SYCP2: variants seen among roughly 807,000 people sequenced by gnomAD.
The protein encoded by SYCP2 is synaptonemal complex protein 2.
A neutral mutation model predicts 211.3 loss-of-function variants in SYCP2; 55 were observed. The observed-to-expected ratio is 0.26, with a 90% CI of 0.21 to 0.33. The LOEUF is 0.33. SYCP2 is among the 10% of genes least tolerant of loss of function. The pLI is 1.00. For missense variants in SYCP2, 1,731 were observed against 1,752.0 expected (o/e 0.99, Z 0.21); for synonymous variants, 570 against 555.2 (o/e 1.03, Z -0.37).
At chr20:59,893,056 T>C in intron 22 of SYCP2, 86 bp downstream of exon 22, 1 of 912,886 alleles carries the variant, frequency 1.1e-6, no homozygotes, top group Non-Finnish European at 1.7e-6. Context: ...TCTAATCATA[T>C]ACAGTCCTTT....
At chr20:59,933,460 A>AACCGTCG (rs1398372024) in intron 1 of SYCP2, 109 bp downstream of exon 1, 1 of 151,216 alleles carries the variant, frequency 6.6e-6, no homozygotes, top group Non-Finnish European at 1.5e-5. Context: ...GCTCCGCCTC[A>AACCGTCG]ACCGTCGGAA....
intron 15 of SYCP2, among the ~76,000 whole-genome samples, chr20:59,903,913 T>TA (rs2060164821): frequency 6.6e-6 from 1 of 152,106 alleles, no homozygotes; most frequent in Non-Finnish European, 1.5e-5. Context: ...TATCCTGTTT[T>TA]AAAAAATCAG....
intron 35 of SYCP2, among the ~76,000 whole-genome samples, chr20:59,872,225 C>A (rs967821137): frequency 1.3e-5 from 2 of 151,944 alleles, no homozygotes; most frequent in Non-Finnish European, 2.9e-5. Context: ...TGGAACATTC[C>A]AGAAATCATT....
At chr20:59,885,669 A>G (rs1234554273) in intron 26 of SYCP2, among the ~76,000 whole-genome samples, 1 of 152,100 alleles carries the variant, frequency 6.6e-6, no homozygotes. Flanking sequence ...CGCACGCGCG[A>G]TAAGGATATA....
At chr20:59,883,809 A>G (rs1462095213) in intron 26 of SYCP2, among the ~76,000 whole-genome samples, 1 of 152,088 alleles carries the variant, frequency 6.6e-6, no homozygotes, top group Non-Finnish European at 1.5e-5. Context: ...AGTATTGTAT[A>G]GTACACCAAC....
chr20:59,881,797 A>T, intron 28 of SYCP2, 148 bp downstream of exon 28: 1 of 545,622 alleles, frequency 1.8e-6, no homozygotes, highest in Non-Finnish European at 3.0e-6. Context: ...AAATATACGT[A>T]GGCTGGTTAT....
At chr20:59,872,294 T>C (rs77773302) in intron 35 of SYCP2, among the ~76,000 whole-genome samples, 3,027 of 152,046 alleles carry the variant, frequency 0.02, 42 homozygotes, top group Middle Eastern at 0.041. Context: ...GGCCATCGGG[T>C]TGTCCTGCCT....
chr20:59,908,504 T>C (rs1485345965), intron 14 of SYCP2, among the ~76,000 whole-genome samples: 1 of 152,172 alleles, frequency 6.6e-6, no homozygotes, highest in Non-Finnish European at 1.5e-5. Context: ...CTCCTATTTC[T>C]GTGTGTAAAA....
intron 24 of SYCP2, among the ~76,000 whole-genome samples, chr20:59,889,578 A>T (rs1324884243): frequency 6.6e-6 from 1 of 151,972 alleles, no homozygotes; most frequent in Non-Finnish European, 1.5e-5. Context: ...AATCTAGTAA[A>T]CACAAAATTT....
At chr20:59,882,198 G>C in intron 26 of SYCP2, 33 bp from the exon 27 acceptor site, 1 of 1,491,952 alleles carries the variant, frequency 6.7e-7, no homozygotes, top group Non-Finnish European at 9.3e-7. Context: ...ATCATTAAAT[G>C]GCTAACAGGT....
At chr20:59,865,290 CA>C (rs1375898084) in intron 44 of SYCP2, 97 bp downstream of exon 44, 1 of 956,672 alleles carries the variant, frequency 1.0e-6, no homozygotes, top group East Asian at 2.5e-5. Flanking sequence ...TCTCTCAACC[CA>C]AAAGAAAAAG....
intron 21 of SYCP2, 36 bp from the exon 22 acceptor site, chr20:59,893,235 T>C (rs754644597): frequency 7.0e-7 from 1 of 1,425,196 alleles, no homozygotes; most frequent in Non-Finnish European, 9.7e-7. Context: ...TTTCATTTTT[T>C]TCATGCAGTT....
Position 59,901,745 on chromosome 20 carries a change from C to T in SYCP2, c.1099G>A (p.Gly367Arg). The change falls in exon 16 of 45, where the codon GGG (glycine) becomes AGG (arginine). Residue 367 changes from glycine to arginine, a missense_variant. Transcript: ENST00000357552. ...TCAAAATACAAAAGCAATTCTTTCC[C>T]TTCTCTTTTGCTAATTTTTACTGTA... is the stretch of plus-strand genomic sequence containing the variant. ...KNTVKISKREGKELLLYFDAS... is the reference protein window; with the variant it reads ...KNTVKISKRERKELLLYFDAS... 6.2e-7 allele frequency: 1 copy of T among 1,604,548 alleles called. No homozygotes were observed. The highest frequency in any genetic ancestry group is 8.5e-7 in the Non-Finnish European group (1 of 1,175,280).
intron 41 of SYCP2, 105 bp downstream of exon 41, chr20:59,866,187 GA>G: frequency 3.2e-6 from 2 of 618,178 alleles, no homozygotes; most frequent in Non-Finnish European, 5.3e-6. Flanking sequence ...ATTATTTTCT[GA>G]ACAAAAAGCT....
At chr20:59,927,881 G>C in intron 2 of SYCP2, among the ~76,000 whole-genome samples, 1 of 152,110 alleles carries the variant, frequency 6.6e-6, no homozygotes, top group East Asian at 1.9e-4. Flanking sequence ...GTTCCTTCTG[G>C]AAGCTCTGCC....
chr20:59,916,639 A>G (rs771158127), intron 7 of SYCP2, 68 bp from the exon 8 acceptor site: 6 of 1,129,878 alleles, frequency 5.3e-6, no homozygotes, highest in East Asian at 2.4e-5. Flanking sequence ...GTCTTTTCTT[A>G]TAAGAGTTAG....
intron 33 of SYCP2, among the ~76,000 whole-genome samples, chr20:59,876,111 G>A (rs1368036756): frequency 6.6e-6 from 1 of 151,968 alleles, no homozygotes; most frequent in Non-Finnish European, 1.5e-5. Flanking sequence ...GGTGGCTCAT[G>A]CCTGTAATCC....
At chr20:59,912,350 A>C in intron 13 of SYCP2, 23 bp downstream of exon 13, 1 of 905,276 alleles carries the variant, frequency 1.1e-6, no homozygotes, top group African/African-American at 1.7e-5. Flanking sequence ...TAACTAAAAT[A>C]ATGTGTTAAA....
At chr20:59,918,901 C>T (rs1253548094) in intron 7 of SYCP2, among the ~76,000 whole-genome samples, 1 of 152,070 alleles carries the variant, frequency 6.6e-6, no homozygotes, top group African/African-American at 2.4e-5. Context: ...TTTTCAATGG[C>T]ATCAATAAAT....
Sources: gnomAD v4.1 joint callset for allele counts (sites outside exome capture counted in the v4.1 genomes callset) on GRCh38, gnomAD v4.1.1 for gene constraint, MANE v1.5 for transcripts, NCBI Gene and HGNC (gene_info 2026-07-23, HGNC 2026-07-21) for gene names.